The following AKAP19 variants were observed in gnomAD, a reference collection of about 807,000 sequenced individuals.
The protein encoded by AKAP19 is small A-kinase anchoring protein.
At chr2:189,923,545 G>C in the AKAP19 span, 1 of 1,613,960 alleles carries the variant, frequency 6.2e-7, no homozygotes, top group Non-Finnish European at 8.5e-7. Context: ...TAGCAGGAGA[G>C]GATGGCAGAA....
At chr2:189,963,768 CTT>C in the AKAP19 span, among the ~76,000 whole-genome samples, 13 of 145,434 alleles carry the variant, frequency 8.9e-5, no homozygotes, top group Admixed American at 1.4e-4. Flanking sequence ...TAATATATTT[CTT>C]TTTTTTTTTT....
At chr2:190,152,457 C>T in the AKAP19 span, among the ~76,000 whole-genome samples, 1 of 152,300 alleles carries the variant, frequency 6.6e-6, no homozygotes, top group Non-Finnish European at 1.5e-5. Context: ...GCATTCAAGT[C>T]TTTCTCTGGA....
the AKAP19 span, among the ~76,000 whole-genome samples, chr2:189,995,371 C>T: frequency 6.6e-6 from 1 of 152,052 alleles, no homozygotes; most frequent in Non-Finnish European, 1.5e-5. Context: ...TATAATGTTC[C>T]TCTTTGTCTT....
chr2:189,948,180 G>A, the AKAP19 span, among the ~76,000 whole-genome samples: 1 of 152,032 alleles, frequency 6.6e-6, no homozygotes, highest in African/African-American at 2.4e-5. Flanking sequence ...TCATGTACTA[G>A]CAAATGGTAT....
chr2:189,893,348 G>A, the AKAP19 span, among the ~76,000 whole-genome samples: 4,925 of 152,246 alleles, frequency 0.032, 264 homozygotes, highest in African/African-American at 0.11. Flanking sequence ...CCCTGGTGGC[G>A]TAGGCACCTG....
the AKAP19 span, among the ~76,000 whole-genome samples, chr2:190,129,433 A>G: frequency 6.6e-6 from 1 of 152,212 alleles, no homozygotes; most frequent in South Asian, 2.1e-4. Flanking sequence ...TTTAAAAAAC[A>G]AATAAATACT....
chr2:189,928,168 T>C, the AKAP19 span, among the ~76,000 whole-genome samples: 2 of 152,166 alleles, frequency 1.3e-5, no homozygotes, highest in Non-Finnish European at 2.9e-5. Context: ...TATTTGGAGT[T>C]TGGTGTTTCC....
At chr2:190,076,147 A>G in the AKAP19 span, among the ~76,000 whole-genome samples, 10 of 152,172 alleles carry the variant, frequency 6.6e-5, no homozygotes, top group Admixed American at 2.6e-4. Flanking sequence ...TTATGCATAT[A>G]TCTATATTTT....
chr2:190,124,064 A>T, the AKAP19 span, among the ~76,000 whole-genome samples: 1 of 152,288 alleles, frequency 6.6e-6, no homozygotes, highest in Non-Finnish European at 1.5e-5. Flanking sequence ...ACTGAGAGTT[A>T]TATGATCGGC....
At chr2:190,044,425 C>T in the AKAP19 span, among the ~76,000 whole-genome samples, 2 of 152,138 alleles carry the variant, frequency 1.3e-5, no homozygotes, top group Non-Finnish European at 2.9e-5. Flanking sequence ...ACTGGAGTCT[C>T]CTTGGGTTAA....
At chr2:190,152,203 C>T in the AKAP19 span, among the ~76,000 whole-genome samples, 1 of 152,098 alleles carries the variant, frequency 6.6e-6, no homozygotes, top group African/African-American at 2.4e-5. Context: ...GAAAGGTCTT[C>T]CCATGATTCT....
At chr2:190,111,727 A>T in the AKAP19 span, among the ~76,000 whole-genome samples, 1 of 152,296 alleles carries the variant, frequency 6.6e-6, no homozygotes, top group Admixed American at 6.5e-5. Flanking sequence ...CAGGATCTAT[A>T]TCCTGGGGTT....
At chr2:190,047,879 A>C in the AKAP19 span, among the ~76,000 whole-genome samples, 1 of 152,186 alleles carries the variant, frequency 6.6e-6, no homozygotes, top group African/African-American at 2.4e-5. Context: ...GCAGTCATGG[A>C]AGAAAGGTAT....
At chr2:190,079,070 A>G in the AKAP19 span, among the ~76,000 whole-genome samples, 1 of 152,202 alleles carries the variant, frequency 6.6e-6, no homozygotes, top group Non-Finnish European at 1.5e-5. Flanking sequence ...GACTTTTAAC[A>G]TTAATTTTCT....
chr2:190,167,448 A>G, the AKAP19 span, among the ~76,000 whole-genome samples: 1 of 152,190 alleles, frequency 6.6e-6, no homozygotes, highest in Non-Finnish European at 1.5e-5. Flanking sequence ...TCATATTTCA[A>G]AACCAATCAT....
chr2:190,203,194 A>G, the AKAP19 span: 5 of 167,098 alleles, frequency 3.0e-5, no homozygotes, highest in African/African-American at 9.6e-5. Flanking sequence ...GAGACTCTTT[A>G]TAAGTAATGT....
At chr2:190,195,371 A>G in the AKAP19 span, among the ~76,000 whole-genome samples, 1 of 152,190 alleles carries the variant, frequency 6.6e-6, no homozygotes. Flanking sequence ...TACAGTAAGA[A>G]TGTTTCACTT....
At chr2:189,917,127 G>A in the AKAP19 span, 2 of 401,910 alleles carry the variant, frequency 5.0e-6, no homozygotes, top group African/African-American at 4.2e-5. Flanking sequence ...CATATTAATT[G>A]AAGGTCACAG....
chr2:190,135,384 A>T, the AKAP19 span, among the ~76,000 whole-genome samples: 1 of 152,186 alleles, frequency 6.6e-6, no homozygotes, highest in Non-Finnish European at 1.5e-5. Flanking sequence ...ATTCAATAAG[A>T]ATCTGCATTT....
Sources: gnomAD v4.1 joint callset for allele counts (sites outside exome capture counted in the v4.1 genomes callset) on GRCh38, gnomAD v4.1.1 for gene constraint, MANE v1.5 for transcripts, NCBI Gene and HGNC (gene_info 2026-07-23, HGNC 2026-07-21) for gene names.